MEIS1: variants seen among roughly 807,000 people sequenced by gnomAD.
The protein encoded by MEIS1 is Meis homeobox 1, also known as homeobox protein Meis1.
Under a neutral mutation model 50.8 loss-of-function variants are expected in MEIS1, and 5 were observed. The ratio of observed to expected loss-of-function variants is 0.10; its 90% confidence interval spans 0.05 to 0.21. MEIS1 has a LOEUF of 0.21. Among genes scored for constraint, MEIS1 ranks in the 10% least tolerant of loss-of-function variants. The probability of loss-of-function intolerance (pLI) is 1.00; values close to 1 mark genes in which losing one functional copy is unlikely to be tolerated. For missense variants in MEIS1, 318 were observed against 517.3 expected (o/e 0.61, Z 3.74); for synonymous variants, 176 against 179.3 (o/e 0.98, Z 0.15).
chr2:66,523,901 C>T (rs1435375578), intron 8 of MEIS1, among the ~76,000 whole-genome samples: 3 of 152,086 alleles, frequency 2.0e-5, no homozygotes, highest in Non-Finnish European at 2.9e-5. Context: ...GTTTTCCACT[C>T]GTTGTTCCTA....
At chr2:66,506,323 CACCAGG>C (rs1424487005) in intron 7 of MEIS1, among the ~76,000 whole-genome samples, 1 of 152,116 alleles carries the variant, frequency 6.6e-6, no homozygotes, top group Non-Finnish European at 1.5e-5. Flanking sequence ...CTGTAAAGGT[CACCAGG>C]AAGTTTGTCA....
chr2:66,473,774 C>T (rs112518053), intron 7 of MEIS1, among the ~76,000 whole-genome samples: 2 of 152,234 alleles, frequency 1.3e-5, no homozygotes, highest in Admixed American at 1.3e-4. Context: ...AACTTCTAAA[C>T]TTAAGTGTCA....
At chr2:66,467,867 C>A (rs1672675006) in intron 7 of MEIS1, among the ~76,000 whole-genome samples, 1 of 152,094 alleles carries the variant, frequency 6.6e-6, no homozygotes, top group Non-Finnish European at 1.5e-5. Flanking sequence ...GAGGGAGGGC[C>A]TCACATCTGT....
chr2:66,509,585 C>T (rs1673773917), intron 7 of MEIS1, among the ~76,000 whole-genome samples: 1 of 152,156 alleles, frequency 6.6e-6, no homozygotes, highest in Non-Finnish European at 1.5e-5. Flanking sequence ...TGATCTGGCT[C>T]CTGCTTGAAA....
intron 6 of MEIS1, among the ~76,000 whole-genome samples, chr2:66,462,941 C>T (rs942058936): frequency 6.6e-6 from 1 of 152,088 alleles, no homozygotes; most frequent in African/African-American, 2.4e-5. Flanking sequence ...GAAACAGTGA[C>T]TCTTTCCCTT....
intron 8 of MEIS1, among the ~76,000 whole-genome samples, chr2:66,541,883 T>G (rs1481141470): frequency 6.6e-6 from 1 of 152,190 alleles, no homozygotes; most frequent in African/African-American, 2.4e-5. Flanking sequence ...GCACAAAGTG[T>G]CTCTTTGATA....
intron 7 of MEIS1, among the ~76,000 whole-genome samples, chr2:66,503,736 A>ATTTTTT (rs70943702): frequency 1.3e-5 from 1 of 77,800 alleles, no homozygotes; most frequent in Non-Finnish European, 2.2e-5. Context: ...TATATGGGGC[A>ATTTTTT]TTTTTTTTTT....
At chr2:66,551,655 C>T (rs1674924708) in intron 9 of MEIS1, among the ~76,000 whole-genome samples, 1 of 150,524 alleles carries the variant, frequency 6.6e-6, no homozygotes, top group African/African-American at 2.4e-5. Context: ...TTTGATGTGA[C>T]TGCATATTTT....
intron 6 of MEIS1, among the ~76,000 whole-genome samples, chr2:66,446,663 A>G (rs1672156058): frequency 6.6e-6 from 1 of 152,224 alleles, no homozygotes; most frequent in African/African-American, 2.4e-5. Flanking sequence ...GCCCTGTTGC[A>G]TGTTAATCCA....
intron 7 of MEIS1, among the ~76,000 whole-genome samples, chr2:66,466,054 A>G (rs1420859088): frequency 6.6e-6 from 1 of 152,210 alleles, no homozygotes; most frequent in Non-Finnish European, 1.5e-5. Flanking sequence ...GCAGTTTCAC[A>G]TAAATTATCT....
intron 9 of MEIS1, among the ~76,000 whole-genome samples, chr2:66,565,487 T>C (rs1675325004): frequency 6.6e-6 from 1 of 152,164 alleles, no homozygotes; most frequent in Admixed American, 6.5e-5. Flanking sequence ...GGCACTATAG[T>C]TGCGGTGCTC....
rs568905828 is a variant in MEIS1, at chr2:66,512,139, A to G, written c.743-10A>G. 11 of 1,546,392 alleles carry G rather than the reference A, an allele frequency of 7.1e-6. No individual in the cohort carries two copies. The South Asian group carries it at 8.9e-5, about 12-fold the overall frequency. On this transcript the variant is annotated splice_polypyrimidine_tract_variant and intron_variant, in intron 7 of 12. Transcript: ENST00000272369. Reference sequence around the variant, plus strand: ...AGCATCAGTCAAAATTTGATTCGCTATGTTTGCAGGTGATGGCTTGGACAA... The same window carrying G: ...AGCATCAGTCAAAATTTGATTCGCTGTGTTTGCAGGTGATGGCTTGGACAA...
chr2:66,524,758 C>A (rs529136158), intron 8 of MEIS1, among the ~76,000 whole-genome samples: 1 of 151,790 alleles, frequency 6.6e-6, no homozygotes, highest in East Asian at 1.9e-4. Flanking sequence ...AACATTTCTC[C>A]GAACTTGTCA....
intron 6 of MEIS1, chr2:66,461,872 A>G (rs1354083911): frequency 4.2e-6 from 2 of 470,702 alleles, no homozygotes; most frequent in African/African-American, 2.0e-5. Context: ...ATGAAGAAAA[A>G]TGGTGATGAA....
intron 7 of MEIS1, among the ~76,000 whole-genome samples, chr2:66,473,397 A>AAAAAAAAAAAAATATATATATATATATAT: frequency 1.9e-5 from 2 of 107,588 alleles, no homozygotes; most frequent in African/African-American, 1.2e-4. Context: ...AAAAAAAAAA[A>AAAAAAAAAAAAATATATATATATATATAT]ATATATATAT....
intron 7 of MEIS1, among the ~76,000 whole-genome samples, chr2:66,466,421 G>T (rs1190818273): frequency 1.3e-5 from 2 of 152,176 alleles, no homozygotes; most frequent in Non-Finnish European, 2.9e-5. Flanking sequence ...GGTTTTCTTT[G>T]GCAGTTGAAT....
intron 9 of MEIS1, among the ~76,000 whole-genome samples, chr2:66,550,956 C>G (rs1674904424): frequency 6.6e-6 from 1 of 152,276 alleles, no homozygotes; most frequent in East Asian, 1.9e-4. Context: ...TCTGTGTCTT[C>G]CTTCTTGGAT....
intron 7 of MEIS1, among the ~76,000 whole-genome samples, chr2:66,474,013 A>G (rs1672830514): frequency 2.0e-5 from 3 of 152,212 alleles, no homozygotes; most frequent in Non-Finnish European, 4.4e-5. Flanking sequence ...TGCTTTGCAA[A>G]TAGTTGTTAT....
At chr2:66,509,442 A>T (rs1673769317) in intron 7 of MEIS1, among the ~76,000 whole-genome samples, 1 of 152,214 alleles carries the variant, frequency 6.6e-6, no homozygotes, top group Non-Finnish European at 1.5e-5. Flanking sequence ...AGATGGGAGT[A>T]AAGTAGCTGT....
Sources: gnomAD v4.1 joint callset for allele counts (sites outside exome capture counted in the v4.1 genomes callset) on GRCh38, gnomAD v4.1.1 for gene constraint, MANE v1.5 for transcripts, NCBI Gene and HGNC (gene_info 2026-07-23, HGNC 2026-07-21) for gene names.